C9orf85: variants seen among roughly 807,000 people sequenced by gnomAD.
The protein encoded by C9orf85 is chromosome 9 open reading frame 85.
In C9orf85, 16 loss-of-function variants were observed where a neutral mutation model predicts 14.9. That is an observed-to-expected ratio of 1.08 (90% CI 0.73 to 1.63). C9orf85 has a LOEUF of 1.63. C9orf85 is among the 40% of genes most tolerant of loss of function. The pLI, the probability that C9orf85 is intolerant of heterozygous loss-of-function variation, is 0.00. For missense variants in C9orf85, 172 were observed against 186.1 expected (o/e 0.92, Z 0.44); for synonymous variants, 45 against 56.8 (o/e 0.79, Z 0.93).
At chr9:71,947,396 T>C (rs1309223711) in intron 2 of C9orf85, among the ~76,000 whole-genome samples, 1 of 152,176 alleles carries the variant, frequency 6.6e-6, no homozygotes, top group Non-Finnish European at 1.5e-5. Flanking sequence ...GAAGAGAGTA[T>C]TTGTTTTCTA....
Position 71,947,062 on chromosome 9 carries a change from G to A in C9orf85, c.159G>A (p.Glu53=), listed in dbSNP as rs1235307375. The A allele has an allele frequency of 6.2e-7, 1 of 1,613,446 alleles. No homozygotes were observed. Among genetic ancestry groups the A allele is most frequent in the Non-Finnish European group, 8.5e-7 (1 of 1,179,752 alleles). ...GTCAGCGCTGTAAAGAAGTTCTTGA[G>A]TGGCGTGTAAAATACAGCAAATACA... ...GVCQRCKEVL[E]WRVKYSKYKP... The change falls in exon 2 of 4, where the codon GAG becomes GAA. Residue 53 remains glutamate, a synonymous_variant. Coordinates refer to ENST00000334731, the MANE Select transcript of C9orf85 (RefSeq NM_182505.5).
At chr9:71,931,740 G>C (rs1267830793) in intron 1 of C9orf85, among the ~76,000 whole-genome samples, 3 of 152,186 alleles carry the variant, frequency 2.0e-5, no homozygotes, top group Non-Finnish European at 4.4e-5. Context: ...TGATTTTTAA[G>C]CAGAAGGTAC....
At chr9:71,913,372 G>A (rs1434133016) in intron 1 of C9orf85, among the ~76,000 whole-genome samples, 1 of 152,184 alleles carries the variant, frequency 6.6e-6, no homozygotes, top group African/African-American at 2.4e-5. Flanking sequence ...CCTTCACGGA[G>A]TTTATAGTTT....
At chr9:71,919,763 C>G (rs537969268) in intron 1 of C9orf85, among the ~76,000 whole-genome samples, 1 of 152,066 alleles carries the variant, frequency 6.6e-6, no homozygotes, top group African/African-American at 2.4e-5. Flanking sequence ...TTTCACACAG[C>G]ATAATTTCAT....
Position 71,981,237 on chromosome 9 carries a change from C to G in C9orf85, c.324-1420C>G, listed in dbSNP as rs1057194936. On this transcript the variant is annotated intron_variant, in intron 3 of 3. Coordinates refer to the C9orf85 transcript ENST00000377031. The stretch of plus-strand genomic sequence containing the variant: ...CAAATCAGGAATCCACAAAACAGCT[C>G]CATAGTATGCTTGGACCAGCATCTA... Among the ~76,000 whole-genome samples, 8 of 152,172 alleles carry G rather than the reference C, an allele frequency of 5.3e-5. No homozygotes were observed. The East Asian group carries it at 1.5e-3, about 29-fold the overall frequency.
intron 2 of C9orf85, among the ~76,000 whole-genome samples, chr9:71,969,468 G>A (rs1209171979): frequency 6.6e-6 from 1 of 152,106 alleles, no homozygotes; most frequent in African/African-American, 2.4e-5. Flanking sequence ...ATGTCTGTTA[G>A]ATCTATAGTG....
intron 2 of C9orf85, among the ~76,000 whole-genome samples, chr9:71,961,405 A>T (rs1822520186): frequency 6.6e-6 from 1 of 152,034 alleles, no homozygotes; most frequent in African/African-American, 2.4e-5. Context: ...TACTAAAAAT[A>T]CAAAAATTAG....
chr9:71,944,233 CA>C (rs34012700), intron 1 of C9orf85, among the ~76,000 whole-genome samples: 479 of 20,618 alleles, frequency 0.023, 2 homozygotes, highest in African/African-American at 0.035. Flanking sequence ...GACTCTGTCT[CA>C]AAAAAAAAAA....
chr9:71,954,948 T>C (rs756612740), intron 2 of C9orf85, among the ~76,000 whole-genome samples: 7 of 152,180 alleles, frequency 4.6e-5, no homozygotes, highest in Non-Finnish European at 8.8e-5. Context: ...GCTACAAAGC[T>C]TTCTTGTAAC....
At chr9:71,979,335 G>C (rs1160747574) in intron 3 of C9orf85, among the ~76,000 whole-genome samples, 1 of 152,146 alleles carries the variant, frequency 6.6e-6, no homozygotes, top group Non-Finnish European at 1.5e-5. Flanking sequence ...CTTATTGTGA[G>C]TATTAAATAT....
Position 71,915,186 on chromosome 9 carries a change from T to TTA in C9orf85, c.102+3351_102+3352insAT, listed in dbSNP as rs1827616829. Among the ~76,000 whole-genome samples, 10 of 12,342 alleles carry TTA rather than the reference T, an allele frequency of 8.1e-4. No individual in the cohort carries two copies. The South Asian group carries it at 0.054, about 66-fold the overall frequency. 8.1% of individuals were successfully genotyped at this position (12,342 alleles called of 152,430 possible). A position where few individuals can be genotyped will look rare whatever the true frequency, so the allele number is the denominator to read the frequency against. On this transcript the variant is annotated intron_variant, in intron 1 of 3. Transcript: ENST00000334731. ...CATTACAAAAATTATTATTATTATT[T>TTA]TTTTTTTTTTTTTGAGACAGAGTCT... is the stretch of plus-strand genomic sequence containing the variant.
At chr9:71,911,870 C>T in intron 1 of C9orf85, 34 bp downstream of exon 1, 1 of 1,587,288 alleles carries the variant, frequency 6.3e-7, no homozygotes, top group South Asian at 1.1e-5. Flanking sequence ...TCTTTGACTC[C>T]AGGAAGGAAT....
intron 1 of C9orf85, among the ~76,000 whole-genome samples, chr9:71,942,382 T>C (rs1821954999): frequency 6.6e-6 from 1 of 152,212 alleles, no homozygotes; most frequent in Non-Finnish European, 1.5e-5. Flanking sequence ...CAATGAGTTA[T>C]GTTTTACTGG....
At chr9:71,980,204 G>A (rs981533780) in intron 3 of C9orf85, among the ~76,000 whole-genome samples, 3 of 151,892 alleles carry the variant, frequency 2.0e-5, no homozygotes, top group Non-Finnish European at 4.4e-5. Flanking sequence ...AGTAGAGACA[G>A]GGTTTCACCA....
At chr9:71,971,656 T>C (rs531024282) in intron 3 of C9orf85, 38 bp downstream of exon 3, 4 of 1,310,392 alleles carry the variant, frequency 3.1e-6, no homozygotes, top group East Asian at 4.6e-5. Context: ...TTACTCTTAG[T>C]GATTGATACA....
At chr9:71,928,002 A>G (rs924120069) in intron 1 of C9orf85, among the ~76,000 whole-genome samples, 1 of 152,098 alleles carries the variant, frequency 6.6e-6, no homozygotes. Flanking sequence ...CCTGGCCAAC[A>G]TGATGAAACT....
chr9:71,923,167 C>A (rs1315703538), intron 1 of C9orf85, among the ~76,000 whole-genome samples: 1 of 152,224 alleles, frequency 6.6e-6, no homozygotes, highest in Non-Finnish European at 1.5e-5. Flanking sequence ...GTTTCCATAT[C>A]CCTCAGATAA....
chr9:71,923,952 T>C (rs1271061335), intron 1 of C9orf85, among the ~76,000 whole-genome samples: 1 of 152,190 alleles, frequency 6.6e-6, no homozygotes, highest in East Asian at 1.9e-4. Flanking sequence ...GAACAAATGT[T>C]AACCTTTAAG....
At chr9:71,912,604 G>A (rs1301433135) in intron 1 of C9orf85, among the ~76,000 whole-genome samples, 1 of 152,012 alleles carries the variant, frequency 6.6e-6, no homozygotes, top group Non-Finnish European at 1.5e-5. Flanking sequence ...AAAATTAGCC[G>A]GGCGTGGTGG....
Sources: allele counts gnomAD v4.1 joint callset (sites outside exome capture counted in the v4.1 genomes callset), GRCh38; gene constraint gnomAD v4.1.1; transcripts MANE v1.5; gene names NCBI Gene and HGNC (gene_info 2026-07-23, HGNC 2026-07-21).